TJP1: variants seen among roughly 807,000 people sequenced by gnomAD.
The protein encoded by TJP1 is tight junction protein ZO-1.
Under a neutral mutation model 194.2 loss-of-function variants are expected in TJP1, and 43 were observed. That is an observed-to-expected ratio of 0.22 (90% CI 0.17 to 0.29). The LOEUF (loss-of-function observed/expected upper bound fraction) is 0.29. Among genes scored for constraint, TJP1 ranks in the 10% least tolerant of loss-of-function variants. TJP1 has a pLI of 1.00. For missense variants in TJP1, 1,971 were observed against 2,185.7 expected (o/e 0.90, Z 1.96); for synonymous variants, 801 against 779.0 (o/e 1.03, Z -0.47).
chr15:29,790,688 C>T (rs1453418456), intron 2 of TJP1, among the ~76,000 whole-genome samples: 1 of 152,024 alleles, frequency 6.6e-6, no homozygotes, highest in African/African-American at 2.4e-5. Flanking sequence ...CCCTACTTCC[C>T]TACCACCCTT....
At chr15:29,862,529 G>C (rs1373534004) in intron 2 of TJP1, among the ~76,000 whole-genome samples, 1 of 152,066 alleles carries the variant, frequency 6.6e-6, no homozygotes, top group African/African-American at 2.4e-5. Flanking sequence ...CATGTGGCAA[G>C]ATCTTAAGTT....
chr15:29,899,499 G>C (rs1402760390), intron 2 of TJP1, among the ~76,000 whole-genome samples: 2 of 152,118 alleles, frequency 1.3e-5, no homozygotes, highest in Admixed American at 6.5e-5. Context: ...CAGAAGATGT[G>C]GTGGCAGGGA....
chr15:29,799,425 T>G (rs1413601636), intron 2 of TJP1, among the ~76,000 whole-genome samples: 1 of 151,878 alleles, frequency 6.6e-6, no homozygotes, highest in Non-Finnish European at 1.5e-5. Flanking sequence ...AATTTTTTTT[T>G]TTTTTTGAGA....
chr15:29,821,868 G>T (rs2050392202), intron 1 of TJP1, 134 bp downstream of exon 1: 2 of 895,566 alleles, frequency 2.2e-6, no homozygotes, highest in African/African-American at 1.8e-5. Flanking sequence ...GCGGCCCCGC[G>T]CCAGCCCTGC....
chr15:29,898,381 T>C (rs562591103), intron 2 of TJP1, among the ~76,000 whole-genome samples: 2 of 152,324 alleles, frequency 1.3e-5, no homozygotes, highest in Admixed American at 1.3e-4. Flanking sequence ...CTTTCCTAAA[T>C]TGCCCAGTCT....
chr15:29,917,610 G>A (rs1377944695), intron 2 of TJP1, among the ~76,000 whole-genome samples: 4 of 152,162 alleles, frequency 2.6e-5, no homozygotes, highest in Admixed American at 2.6e-4. Flanking sequence ...CAGGCTTAGG[G>A]GAGCAGGACC....
chr15:29,948,708 A>G (rs1344807093), intron 2 of TJP1, among the ~76,000 whole-genome samples: 1 of 152,118 alleles, frequency 6.6e-6, no homozygotes, highest in East Asian at 1.9e-4. Flanking sequence ...AACCAGACCC[A>G]CAGGATTCAA....
intron 2 of TJP1, among the ~76,000 whole-genome samples, chr15:29,782,994 C>T (rs1253681304): frequency 6.6e-6 from 1 of 151,806 alleles, no homozygotes; most frequent in Non-Finnish European, 1.5e-5. Context: ...CAATGAGCGG[C>T]CGGGCGTGGT....
At chr15:29,864,388 T>A (rs1261952020) in intron 2 of TJP1, among the ~76,000 whole-genome samples, 1 of 152,156 alleles carries the variant, frequency 6.6e-6, no homozygotes, top group African/African-American at 2.4e-5. Flanking sequence ...TTGAACTTCA[T>A]TCACTCAAGT....
intron 15 of TJP1, chr15:29,728,254 A>C (rs538654855): frequency 2.3e-6 from 1 of 430,350 alleles, no homozygotes; most frequent in African/African-American, 2.0e-5. Flanking sequence ...TAAAGAAGAA[A>C]AAATATACAG....
chr15:29,812,064 T>C (rs557162301), intron 1 of TJP1, among the ~76,000 whole-genome samples: 1 of 152,366 alleles, frequency 6.6e-6, no homozygotes, highest in East Asian at 1.9e-4. Flanking sequence ...GAGATGGGTC[T>C]TGTTTGCATT....
chr15:29,757,018 A>G (rs1172113303), intron 8 of TJP1, among the ~76,000 whole-genome samples: 1 of 152,204 alleles, frequency 6.6e-6, no homozygotes, highest in Non-Finnish European at 1.5e-5. Context: ...CAGGTATTGT[A>G]ATAACTAATT....
intron 1 of TJP1, chr15:29,820,655 C>T (rs560448902): frequency 1.7e-4 from 119 of 690,556 alleles, no homozygotes; most frequent in African/African-American, 1.7e-3. Flanking sequence ...CTGTGTAATA[C>T]GGAAACAAAG....
At chr15:29,904,395 G>A (rs948442509) in intron 2 of TJP1, among the ~76,000 whole-genome samples, 3 of 152,148 alleles carry the variant, frequency 2.0e-5, no homozygotes, top group Non-Finnish European at 2.9e-5. Flanking sequence ...GCAGCTAGAG[G>A]AGAAAGCCAA....
chr15:29,854,322 C>G (rs1444299840), intron 2 of TJP1, among the ~76,000 whole-genome samples: 1 of 151,960 alleles, frequency 6.6e-6, no homozygotes, highest in South Asian at 2.1e-4. Flanking sequence ...GGAAGGTGAC[C>G]TTATTGGAAA....
rs1404366450 is a variant in TJP1, at chr15:29,718,936, T to C, written c.3206A>G (p.Gln1069Arg). The change falls in exon 21 of 28, where the codon CAG becomes CGG. Residue 1069 changes from glutamine to arginine, a missense_variant. Around this residue, in one of 5 missense-constraint regions of TJP1, gnomAD observed 1,108 missense variants for 1,128.5 expected, o/e 0.98. Transcript: ENST00000614355. ...YRYESSSYTD[Q>R]FSRNYEHRLR... Reference sequence around the variant, plus strand: ...ACGATGTTCATAGTTTCGAGAAAACTGGTCCGTATAGCTTGAGGACTCGTA... The same window carrying C: ...ACGATGTTCATAGTTTCGAGAAAACCGGTCCGTATAGCTTGAGGACTCGTA... The C allele has an allele frequency of 6.2e-7, 1 of 1,614,082 alleles. No homozygotes were observed. The highest frequency in any genetic ancestry group is 8.5e-7 in the Non-Finnish European group (1 of 1,180,042).
chr15:29,892,029 C>T (rs946023355), intron 2 of TJP1, among the ~76,000 whole-genome samples: 1 of 152,186 alleles, frequency 6.6e-6, no homozygotes, highest in Non-Finnish European at 1.5e-5. Flanking sequence ...GCATCTTATG[C>T]CAAACAGTTA....
chr15:29,739,175 GGC>G (rs761641430), intron 10 of TJP1, among the ~76,000 whole-genome samples: 3 of 152,108 alleles, frequency 2.0e-5, no homozygotes, highest in Non-Finnish European at 4.4e-5. Context: ...AGTAAAACAT[GGC>G]TTCTGAAAAC....
intron 2 of TJP1, among the ~76,000 whole-genome samples, chr15:29,882,485 C>T (rs1162384454): frequency 6.6e-6 from 1 of 152,108 alleles, no homozygotes; most frequent in Non-Finnish European, 1.5e-5. Context: ...GCAAACAAAT[C>T]ATTCAATAGA....
Sources: gnomAD v4.1 joint callset for allele counts (sites outside exome capture counted in the v4.1 genomes callset) on GRCh38, gnomAD v4.1.1 for gene constraint, gnomAD v4.1.1 regional missense constraint, MANE v1.5 for transcripts, NCBI Gene and HGNC (gene_info 2026-07-23, HGNC 2026-07-21) for gene names.